CCDC138: variants seen among roughly 807,000 people sequenced by gnomAD.
The protein encoded by CCDC138 is coiled-coil domain-containing protein 138.
A neutral mutation model predicts 82.3 loss-of-function variants in CCDC138; 66 were observed. The ratio of observed to expected loss-of-function variants is 0.80; its 90% CI spans 0.66 to 0.98. The LOEUF is 0.98. CCDC138 is among the 50% of genes least tolerant of loss of function. The pLI is 0.00. For missense variants in CCDC138, 816 were observed against 758.9 expected (o/e 1.08, Z -0.88); for synonymous variants, 297 against 265.4 (o/e 1.12, Z -1.16).
At chr2:108,881,812 G>A (rs1696299395) in intron 1 of CCDC138, among the ~76,000 whole-genome samples, 1 of 152,132 alleles carries the variant, frequency 6.6e-6, no homozygotes, top group Non-Finnish European at 1.5e-5. Flanking sequence ...TTACATGGGT[G>A]TGGTTCTTGG....
At chr2:108,883,975 T>C (rs1296476760) in intron 2 of CCDC138, 1 of 152,280 alleles carries the variant, frequency 6.6e-6, no homozygotes, top group Non-Finnish European at 1.5e-5. Flanking sequence ...TGGAGTGCAG[T>C]GGCATGGTCT....
chr2:108,810,551 G>A (rs1683618677), intron 7 of CCDC138, among the ~76,000 whole-genome samples: 1 of 152,134 alleles, frequency 6.6e-6, no homozygotes, highest in African/African-American at 2.4e-5. Context: ...GTGTGTTGTT[G>A]AATTTGGTTT....
chr2:108,860,190 A>G (rs1693324274), intron 13 of CCDC138, among the ~76,000 whole-genome samples: 2 of 151,412 alleles, frequency 1.3e-5, no homozygotes, highest in Admixed American at 6.6e-5. Context: ...TTGTACGTTG[A>G]ATTTGTATCT....
chr2:108,820,502 A>G (rs928252776), intron 10 of CCDC138, among the ~76,000 whole-genome samples: 1 of 152,166 alleles, frequency 6.6e-6, no homozygotes, highest in Admixed American at 6.5e-5. Context: ...AAGGAACTCC[A>G]GAGAGGACAA....
chr2:108,882,153 CAAAAAAA>C (rs1219596018), intron 1 of CCDC138: 2 of 90,214 alleles, frequency 2.2e-5, no homozygotes, highest in African/African-American at 4.1e-5. Flanking sequence ...GACCCTGTCT[CAAAAAAA>C]AAAAAAAGAA....
At chr2:108,848,240 T>C (rs1690827718) in intron 12 of CCDC138, among the ~76,000 whole-genome samples, 1 of 152,262 alleles carries the variant, frequency 6.6e-6, no homozygotes, top group South Asian at 2.1e-4. Context: ...TCTGATAATA[T>C]GCTAAGAAAA....
intron 10 of CCDC138, among the ~76,000 whole-genome samples, chr2:108,832,403 A>C (rs1375039811): frequency 6.9e-6 from 1 of 143,896 alleles, no homozygotes; most frequent in Non-Finnish European, 1.5e-5. Context: ...GCTGGAGTGC[A>C]ATGGTGTGAT....
exon 3 of CCDC138, chr2:108,885,156 C>T (rs1040214742): frequency 2.0e-5 from 3 of 152,216 alleles, no homozygotes; most frequent in Admixed American, 6.5e-5. Flanking sequence ...ACAAACCCAC[C>T]TTTACCCGCC....
At chr2:108,861,007 C>T (rs1489265483) in intron 13 of CCDC138, among the ~76,000 whole-genome samples, 1 of 118,610 alleles carries the variant, frequency 8.4e-6, no homozygotes, top group African/African-American at 3.2e-5. Flanking sequence ...GAGCTCAATA[C>T]TGGTCTGTTC....
At chr2:108,815,219 A>T (rs1028799372) in intron 9 of CCDC138, among the ~76,000 whole-genome samples, 4 of 152,140 alleles carry the variant, frequency 2.6e-5, no homozygotes, top group Admixed American at 2.0e-4. Context: ...CATAGTGGAA[A>T]TTCTTTAGCT....
At chr2:108,803,249 G>A (rs1682271273) in intron 6 of CCDC138, among the ~76,000 whole-genome samples, 1 of 152,178 alleles carries the variant, frequency 6.6e-6, no homozygotes, top group African/African-American at 2.4e-5. Context: ...GCGGCTCAAA[G>A]TTGAGCCCAA....
At chr2:108,786,767 C>T (rs1013382978), upstream of CCDC138, 269 of 1,484,758 alleles carry the variant, frequency 1.8e-4, no homozygotes, top group African/African-American at 2.6e-4. Flanking sequence ...GGCCGCGTAG[C>T]GCCGCGGGTT....
At chr2:108,885,433 C>T (rs1194543885) in exon 3 of CCDC138, 1 of 152,156 alleles carries the variant, frequency 6.6e-6, no homozygotes, top group Non-Finnish European at 1.5e-5. Context: ...AATATAATGG[C>T]TTTCTCACTT....
intron 12 of CCDC138, among the ~76,000 whole-genome samples, chr2:108,851,224 C>T (rs940132855): frequency 6.6e-6 from 1 of 152,164 alleles, no homozygotes; most frequent in Admixed American, 6.5e-5. Context: ...TGGAGCACCA[C>T]GCTCCAGAAA....
At chr2:108,879,012 TA>T (rs1245900503), downstream of CCDC138, among the ~76,000 whole-genome samples, 1 of 141,014 alleles carries the variant, frequency 7.1e-6, no homozygotes, top group Non-Finnish European at 1.6e-5. Flanking sequence ...GTTTAAAAAT[TA>T]TAAGTTCTTT....
chr2:108,788,556 A>AAAAAATAC (rs1288684319), intron 2 of CCDC138, among the ~76,000 whole-genome samples: 3 of 150,208 alleles, frequency 2.0e-5, no homozygotes, highest in Non-Finnish European at 4.4e-5. Context: ...TCTCTACTAA[A>AAAAAATAC]AAAAATACAA....
chr2:108,838,871 G>C (rs1326517823), intron 10 of CCDC138, among the ~76,000 whole-genome samples: 1 of 151,802 alleles, frequency 6.6e-6, no homozygotes, highest in East Asian at 1.9e-4. Flanking sequence ...ATAAATCTAG[G>C]TTATCATTTT....
chr2:108,844,257 T>G (rs148178988), intron 11 of CCDC138, among the ~76,000 whole-genome samples: 154 of 152,258 alleles, frequency 1.0e-3, no homozygotes, highest in East Asian at 6.4e-3. Flanking sequence ...TTCTGGTGGT[T>G]GTTGTTATTT....
At position 108,791,701 on chromosome 2, in the gene CCDC138, A is replaced by G. The variant is rs940538069; in HGVS notation, c.293A>G (p.His98Arg). The G allele has an allele frequency of 3.7e-6, 6 of 1,608,024 alleles. No homozygotes were observed. The highest frequency in any genetic ancestry group is 5.1e-6 in the Non-Finnish European group (6 of 1,176,332). ...NCLDDELDSF[H>R]DLKKQETEEE... is the part of the protein sequence containing the mutation. ...CTAGATGATGAACTGGATTCTTTCC[A>G]TGATTTGAAGAAACAGGAAACAGAA... The change falls in exon 4 of 15, where the codon CAT becomes CGT. Residue 98 changes from histidine (H) to arginine (R), a missense_variant. Physicochemically the swap from His to Arg is conservative, Grantham distance 29. Transcript: ENST00000295124.
Sources: allele counts gnomAD v4.1 joint callset (sites outside exome capture counted in the v4.1 genomes callset), GRCh38; gene constraint gnomAD v4.1.1; transcripts MANE v1.5; gene names NCBI Gene and HGNC (gene_info 2026-07-23, HGNC 2026-07-21).